The following SH3KBP1 variants were observed in gnomAD, a reference collection of about 807,000 sequenced individuals.
SH3KBP1 encodes the protein SH3 domain-containing kinase-binding protein 1.
A neutral mutation model predicts 50.1 loss-of-function variants in SH3KBP1; 8 were observed. That is an observed-to-expected ratio of 0.16 (90% CI 0.09 to 0.29). The LOEUF is 0.29. SH3KBP1 is among the 10% of genes least tolerant of loss of function. The probability of loss-of-function intolerance (pLI) is 1.00; values close to 1 mark genes in which losing one functional copy is unlikely to be tolerated. For missense variants in SH3KBP1, 377 were observed against 535.2 expected, an observed-to-expected ratio of 0.70 and a Z score of 2.92; for synonymous variants, 227 against 218.6, an observed-to-expected ratio of 1.04 and a Z score of -0.34.
chrX:19,556,107 G>GA (rs1297413443), intron 13 of SH3KBP1, among the ~76,000 whole-genome samples: 3 of 111,810 alleles, frequency 2.7e-5, no homozygotes, highest in African/African-American at 6.5e-5. Context: ...TTTCCAGCAG[G>GA]AAAAAAATGA....
intron 12 of SH3KBP1, among the ~76,000 whole-genome samples, chrX:19,570,369 T>A (rs1490199194): frequency 9.0e-6 from 1 of 111,395 alleles, no homozygotes; most frequent in Non-Finnish European, 1.9e-5. Flanking sequence ...TCCTAAGAGG[T>A]GTGACTGAGC....
At chrX:19,744,301 GA>G (rs34190910) in intron 3 of SH3KBP1, among the ~76,000 whole-genome samples, 1 of 112,037 alleles carries the variant, frequency 8.9e-6, no homozygotes, top group Non-Finnish European at 1.9e-5. Flanking sequence ...TTTTGGGTGG[GA>G]AAAAAATGTA....
intron 1 of SH3KBP1, among the ~76,000 whole-genome samples, chrX:19,863,335 C>T (rs1231521220): frequency 9.0e-6 from 1 of 111,223 alleles, no homozygotes; most frequent in East Asian, 2.8e-4. Context: ...GTAACAGGGA[C>T]TATAGGTATG....
At chrX:19,727,889 G>A (rs2064265847) in intron 3 of SH3KBP1, among the ~76,000 whole-genome samples, 1 of 111,678 alleles carries the variant, frequency 9.0e-6, no homozygotes, top group Non-Finnish European at 1.9e-5. Flanking sequence ...GGAGGCTGAA[G>A]CAGGAGAATC....
chrX:19,783,690 T>G (rs2066254702), intron 2 of SH3KBP1, among the ~76,000 whole-genome samples: 1 of 111,494 alleles, frequency 9.0e-6, no homozygotes, highest in Non-Finnish European at 1.9e-5. Context: ...AATATCAGAT[T>G]AGTGTATTCG....
intron 8 of SH3KBP1, among the ~76,000 whole-genome samples, chrX:19,611,965 A>AAC (rs1316277974): frequency 1.9e-5 from 2 of 107,986 alleles, no homozygotes; most frequent in African/African-American, 6.7e-5. Flanking sequence ...AGAAAAAAAA[A>AAC]AAAAAAAAAA....
chrX:19,875,135 CTA>C (rs1348974285), intron 1 of SH3KBP1, among the ~76,000 whole-genome samples: 1 of 110,918 alleles, frequency 9.0e-6, no homozygotes. Context: ...CACAGGTTCC[CTA>C]AAAGCGCCAG....
At chrX:19,629,026 G>A (rs945630580) in intron 8 of SH3KBP1, among the ~76,000 whole-genome samples, 1 of 111,896 alleles carries the variant, frequency 8.9e-6, no homozygotes, top group African/African-American at 3.2e-5. Flanking sequence ...AGAATCGCAC[G>A]AACCTGGGAG....
At chrX:19,766,877 T>C (rs765726608) in intron 2 of SH3KBP1, among the ~76,000 whole-genome samples, 2 of 111,383 alleles carry the variant, frequency 1.8e-5, no homozygotes, top group South Asian at 7.5e-4. Flanking sequence ...TGTGCTTCCC[T>C]CTTATAAGGA....
intron 11 of SH3KBP1, among the ~76,000 whole-genome samples, chrX:19,590,170 G>A (rs761268714): frequency 1.8e-5 from 2 of 111,862 alleles, no homozygotes; most frequent in South Asian, 7.5e-4. Context: ...ACAATGTGGG[G>A]AAATATGCTC....
At chrX:19,770,072 G>A (rs1332711391) in intron 2 of SH3KBP1, among the ~76,000 whole-genome samples, 1 of 111,927 alleles carries the variant, frequency 8.9e-6, no homozygotes, top group African/African-American at 3.2e-5. Context: ...CGAAAATAAT[G>A]TCACTAAGTG....
chrX:19,705,853 C>T (rs2063642457), intron 4 of SH3KBP1, among the ~76,000 whole-genome samples: 1 of 111,998 alleles, frequency 8.9e-6, no homozygotes, highest in South Asian at 3.7e-4. Context: ...AGTTTTATTG[C>T]ACTGTAGGGC....
chrX:19,717,045 T>C (rs1391343335), intron 3 of SH3KBP1, among the ~76,000 whole-genome samples: 1 of 110,011 alleles, frequency 9.1e-6, no homozygotes, highest in Non-Finnish European at 1.9e-5. Context: ...ATATGCAGAA[T>C]GGCAATGGGG....
chrX:19,751,763 G>T (rs2148832269), intron 2 of SH3KBP1, among the ~76,000 whole-genome samples: 1 of 111,955 alleles, frequency 8.9e-6, no homozygotes, highest in South Asian at 3.7e-4. Flanking sequence ...GCCTGGGATG[G>T]CTCACCCACA....
chrX:19,733,447 T>C lies in SH3KBP1; in HGVS notation c.286+12871A>G, dbSNP rs187949027. On this transcript the variant is annotated intron_variant, in intron 3 of 17. Coordinates refer to ENST00000397821, the MANE Select transcript of SH3KBP1 (RefSeq NM_031892.3). ...ATATTATATGATAAATGAGGTATCA[T>C]ACAATCACTGGAAAGGGCTATTCAA... Among the ~76,000 whole-genome samples the C allele has an allele frequency of 7.2e-5, 8 of 110,391 alleles. No homozygotes were observed. The East Asian group carries it at 2.2e-3, about 31-fold the overall frequency.
At chrX:19,615,842 G>A (rs1381461981) in intron 8 of SH3KBP1, among the ~76,000 whole-genome samples, 1 of 111,376 alleles carries the variant, frequency 9.0e-6, no homozygotes, top group Non-Finnish European at 1.9e-5. Context: ...CAGTCCTAGG[G>A]ACGAGCTTAC....
chrX:19,862,330 T>C (rs2068798148), intron 1 of SH3KBP1, among the ~76,000 whole-genome samples: 1 of 112,227 alleles, frequency 8.9e-6, no homozygotes, highest in Non-Finnish European at 1.9e-5. Context: ...CAAGATAAAT[T>C]TTTTCCTCGA....
chrX:19,593,319 G>A (rs1003230371), intron 10 of SH3KBP1, among the ~76,000 whole-genome samples: 1 of 111,104 alleles, frequency 9.0e-6, no homozygotes, highest in Middle Eastern at 4.6e-3. Flanking sequence ...AACAAAAGAA[G>A]TTAAAAAAAA....
At chrX:19,808,963 G>C (rs981134348) in intron 2 of SH3KBP1, among the ~76,000 whole-genome samples, 1 of 111,836 alleles carries the variant, frequency 8.9e-6, no homozygotes, top group African/African-American at 3.3e-5. Flanking sequence ...GGCAACATTT[G>C]ATAGAACTAG....
Sources: allele counts gnomAD v4.1 joint callset (sites outside exome capture counted in the v4.1 genomes callset), GRCh38; gene constraint gnomAD v4.1.1; transcripts MANE v1.5; gene names NCBI Gene and HGNC (gene_info 2026-07-23, HGNC 2026-07-21).